SYNPO2: variants seen among roughly 807,000 people sequenced by gnomAD.
The protein encoded by SYNPO2 is synaptopodin 2, also known as synaptopodin-2.
Under a neutral mutation model 85.0 loss-of-function variants are expected in SYNPO2, and 56 were observed. The ratio of observed to expected loss-of-function variants is 0.66; its 90% CI spans 0.53 to 0.82. The LOEUF (loss-of-function observed/expected upper bound fraction) is 0.82. SYNPO2 is among the 40% of genes least tolerant of loss of function. The pLI, the probability that SYNPO2 is intolerant of heterozygous loss-of-function variation, is 0.00. For synonymous variants in SYNPO2, 602 were observed against 591.1 expected, an observed-to-expected ratio of 1.02 and a Z score of -0.27; for missense variants, 1,575 against 1,534.2, an observed-to-expected ratio of 1.03 and a Z score of -0.44.
intron 1 of SYNPO2, among the ~76,000 whole-genome samples, chr4:119,004,571 G>T (rs1438422525): frequency 6.7e-6 from 1 of 148,772 alleles, no homozygotes; most frequent in African/African-American, 2.5e-5. Context: ...ATTTTTTATG[G>T]CTGCATAGTA....
intron 1 of SYNPO2, among the ~76,000 whole-genome samples, chr4:118,893,013 A>G (rs938675024): frequency 2.6e-5 from 4 of 152,200 alleles, no homozygotes; most frequent in Admixed American, 1.3e-4. Flanking sequence ...TTCCAGAAAC[A>G]TAGGTATTTC....
intron 1 of SYNPO2, among the ~76,000 whole-genome samples, chr4:118,932,030 T>C (rs113060261): frequency 8.5e-4 from 130 of 152,368 alleles, no homozygotes; most frequent in Non-Finnish European, 1.6e-3. Flanking sequence ...CATAATGAAG[T>C]ATAGGCAGTG....
In SYNPO2 at chr4:118,869,856, A is replaced by G. The variant is rs532704155; in HGVS notation, c.12+18916A>G. On this transcript the variant is annotated intron_variant, in intron 1 of 4. Transcript: ENST00000610556. ...GTTACCTTGCTCATTTCATAATTCT[A>G]TTCAAAGGTATGATGATGTTTCTAC... Among the ~76,000 whole-genome samples the G allele has an allele frequency of 6.4e-4, 97 of 152,356 alleles. 1 individual carries two copies. In the South Asian group the frequency reaches 0.016, roughly 25 times the overall value.
intron 1 of SYNPO2, among the ~76,000 whole-genome samples, chr4:118,860,882 AT>A (rs1385105973): frequency 6.6e-6 from 1 of 151,560 alleles, no homozygotes; most frequent in Non-Finnish European, 1.5e-5. Context: ...AGATTATTCT[AT>A]TTTTTTTCCT....
At chr4:118,914,802 C>T (rs1024428805) in intron 1 of SYNPO2, among the ~76,000 whole-genome samples, 5 of 151,594 alleles carry the variant, frequency 3.3e-5, no homozygotes, top group African/African-American at 1.2e-4. Flanking sequence ...GAAAAGATGG[C>T]CCAGGAAAGT....
At chr4:118,936,717 A>G (rs1235161201) in intron 1 of SYNPO2, among the ~76,000 whole-genome samples, 1 of 152,104 alleles carries the variant, frequency 6.6e-6, no homozygotes, top group East Asian at 1.9e-4. Flanking sequence ...CATCACTACT[A>G]TCTTCTTAAA....
At chr4:118,887,966 T>C (rs1333210993), upstream of SYNPO2, among the ~76,000 whole-genome samples, 1 of 152,246 alleles carries the variant, frequency 6.6e-6, no homozygotes, top group Non-Finnish European at 1.5e-5. Flanking sequence ...AAAATGTCCT[T>C]TTTGTACATT....
chr4:118,887,180 T>G (rs765666564), upstream of SYNPO2, among the ~76,000 whole-genome samples: 3 of 151,248 alleles, frequency 2.0e-5, no homozygotes, highest in Non-Finnish European at 4.4e-5. Flanking sequence ...TGTGTGTGTG[T>G]GTGTGTGTGT....
chr4:118,861,933 G>A (rs556567684), intron 1 of SYNPO2, among the ~76,000 whole-genome samples: 1 of 152,250 alleles, frequency 6.6e-6, no homozygotes, highest in Non-Finnish European at 1.5e-5. Flanking sequence ...GCTTCAGGTA[G>A]TATGGACATT....
intron 1 of SYNPO2, among the ~76,000 whole-genome samples, chr4:118,995,882 C>G (rs1417779846): frequency 6.6e-6 from 1 of 151,174 alleles, no homozygotes; most frequent in Non-Finnish European, 1.5e-5. Flanking sequence ...ATCTATCTAT[C>G]TATCTATCTA....
At chr4:118,920,574 A>T (rs547794174) in intron 1 of SYNPO2, among the ~76,000 whole-genome samples, 4 of 152,194 alleles carry the variant, frequency 2.6e-5, no homozygotes, top group Non-Finnish European at 5.9e-5. Context: ...CATGGAACAG[A>T]GGAAAGGCAA....
chr4:118,908,199 T>A (rs904532235), intron 1 of SYNPO2, among the ~76,000 whole-genome samples: 2 of 152,170 alleles, frequency 1.3e-5, no homozygotes, highest in Non-Finnish European at 2.9e-5. Context: ...ATGGCTTTCT[T>A]AAAATTATTT....
intron 1 of SYNPO2, among the ~76,000 whole-genome samples, chr4:119,022,512 GTTTT>G (rs778146297): frequency 8.0e-5 from 7 of 87,096 alleles, no homozygotes; most frequent in East Asian, 4.2e-4. Flanking sequence ...TTTTTTGTAG[GTTTT>G]TTTTTTTTTT....
intron 1 of SYNPO2, among the ~76,000 whole-genome samples, chr4:118,907,731 A>G (rs1364830071): frequency 6.6e-6 from 1 of 152,246 alleles, no homozygotes; most frequent in African/African-American, 2.4e-5. Context: ...TTGTCATTAT[A>G]AAAGTAATTC....
chr4:118,883,459 A>G (rs948135963), intron 1 of SYNPO2, among the ~76,000 whole-genome samples: 3 of 152,244 alleles, frequency 2.0e-5, no homozygotes, highest in African/African-American at 7.2e-5. Flanking sequence ...TATGTGTTTC[A>G]TAATGTGCTC....
intron 1 of SYNPO2, among the ~76,000 whole-genome samples, chr4:118,978,259 A>G (rs1332994696): frequency 6.6e-6 from 1 of 152,178 alleles, no homozygotes; most frequent in African/African-American, 2.4e-5. Context: ...GTTGCCCTCA[A>G]AGCAAGCATT....
At chr4:118,970,087 G>A (rs1735480491) in intron 1 of SYNPO2, among the ~76,000 whole-genome samples, 1 of 152,128 alleles carries the variant, frequency 6.6e-6, no homozygotes, top group Admixed American at 6.5e-5. Flanking sequence ...ACATATATGA[G>A]CCTTCTTGGA....
chr4:119,056,165 G>A (rs1056984709), intron 4 of SYNPO2, among the ~76,000 whole-genome samples: 3 of 152,206 alleles, frequency 2.0e-5, no homozygotes, highest in African/African-American at 7.2e-5. Context: ...ATATTGGAAT[G>A]TGTGAAGATG....
intron 1 of SYNPO2, among the ~76,000 whole-genome samples, chr4:118,942,656 C>G (rs1378921951): frequency 6.6e-6 from 1 of 152,068 alleles, no homozygotes; most frequent in African/African-American, 2.4e-5. Flanking sequence ...GCCAATGGTT[C>G]TTTACTGGGG....
Sources: gnomAD v4.1 joint callset for allele counts (sites outside exome capture counted in the v4.1 genomes callset) on GRCh38, gnomAD v4.1.1 for gene constraint, MANE v1.5 for transcripts, NCBI Gene and HGNC (gene_info 2026-07-23, HGNC 2026-07-21) for gene names.